The following FGD3 variants were observed in gnomAD, a reference collection of about 807,000 sequenced individuals.
FGD3 encodes FYVE, RhoGEF and PH domain containing 3.
FGD3 carries 45 observed loss-of-function variants against 71.8 expected under a neutral mutation model. The observed-to-expected ratio is 0.63, with a 90% CI of 0.49 to 0.80. The LOEUF is 0.80. FGD3 is among the 30% of genes least tolerant of loss of function. The pLI is 0.00. For missense variants in FGD3, 844 were observed against 951.5 expected (o/e 0.89, Z 1.49); for synonymous variants, 378 against 392.8 (o/e 0.96, Z 0.44).
rs907261307 is a variant in FGD3 at position 93,003,943 on chromosome 9, G to A, written c.544-58G>A. 3.8e-6 allele frequency: 6 copies of A among 1,598,144 alleles called. No individual in the cohort carries two copies. The Middle Eastern group carries it at 5.0e-4, about 133-fold the overall frequency. On this transcript the variant is annotated intron_variant, in intron 4 of 17. Coordinates refer to ENST00000375482, the MANE Select transcript of FGD3 (RefSeq NM_001083536.2). The surrounding 1 kb of genome is among the most constrained non-coding windows in gnomAD (Gnocchi z 4.1). ...CCCTCACCTGTGGCCGAAGCGGGGCGGCAACTGTGCTCAGTGGAAGAGGCT... is the reference window on the plus strand; with the variant it reads ...CCCTCACCTGTGGCCGAAGCGGGGCAGCAACTGTGCTCAGTGGAAGAGGCT...
intron 14 of FGD3, among the ~76,000 whole-genome samples, chr9:93,024,979 C>G (rs749474603): frequency 6.6e-6 from 1 of 152,234 alleles, no homozygotes; most frequent in East Asian, 1.9e-4. Flanking sequence ...AGCTGTCAGG[C>G]GCTGCTGGCC....
intron 10 of FGD3, 38 bp from the exon 11 acceptor site, chr9:93,018,098 G>A (rs376278391): frequency 1.3e-6 from 2 of 1,594,918 alleles, no homozygotes; most frequent in Non-Finnish European, 1.7e-6. Context: ...AAAATGACCA[G>A]CTTGGGTTTG....
intron 13 of FGD3, 90 bp from the exon 14 acceptor site, chr9:93,022,237 G>C (rs1368774445): frequency 1.5e-6 from 2 of 1,331,306 alleles, no homozygotes; most frequent in African/African-American, 2.9e-5. Flanking sequence ...ATGCACAGAG[G>C]TGCTGGGGGC....
intron 1 of FGD3, among the ~76,000 whole-genome samples, chr9:92,953,945 A>G (rs1859003681): frequency 6.6e-6 from 1 of 152,202 alleles, no homozygotes; most frequent in African/African-American, 2.4e-5. Context: ...GCTGGCTTTC[A>G]CTGGGCAATA....
chr9:92,955,538 T>C (rs1859035395), intron 1 of FGD3, among the ~76,000 whole-genome samples: 1 of 152,214 alleles, frequency 6.6e-6, no homozygotes, highest in South Asian at 2.1e-4. Flanking sequence ...TTAAACTTTT[T>C]ATTTTGAAAT....
At chr9:93,001,511 G>A (rs1860857718) in intron 3 of FGD3, among the ~76,000 whole-genome samples, 1 of 152,110 alleles carries the variant, frequency 6.6e-6, no homozygotes, top group African/African-American at 2.4e-5. Flanking sequence ...CTGGAGAGCT[G>A]CCTTAGACTC....
At chr9:92,956,834 C>CTTTTTTTTTTTTTTTTTTTTTTTTTTTT (rs34469364) in intron 1 of FGD3, among the ~76,000 whole-genome samples, 1 of 127,748 alleles carries the variant, frequency 7.8e-6, no homozygotes, top group Non-Finnish European at 1.6e-5. Flanking sequence ...TAATTGCTTT[C>CTTTTTTTTTTTTTTTTTTTTTTTTTTTT]TTTCTTTTTT....
intron 8 of FGD3, among the ~76,000 whole-genome samples, chr9:93,012,704 A>T (rs74937981): frequency 2.0e-5 from 1 of 51,152 alleles, no homozygotes; most frequent in Non-Finnish European, 3.3e-5. Flanking sequence ...TGGGGGGGGG[A>T]AGAATCAATC....
At chr9:93,011,178 C>G (rs372418598) in intron 7 of FGD3, 36 bp from the exon 8 acceptor site, 34 of 1,611,574 alleles carry the variant, frequency 2.1e-5, no homozygotes, top group South Asian at 5.5e-5. Flanking sequence ...ACGGAGCCAC[C>G]GTGGCCCCAG....
chr9:92,966,711 G>A (rs1267638814), intron 1 of FGD3, among the ~76,000 whole-genome samples: 2 of 152,174 alleles, frequency 1.3e-5, no homozygotes, highest in African/African-American at 2.4e-5. Flanking sequence ...GTGTGTGAAT[G>A]AGGGCTGAGC....
chr9:93,021,114 G>A (rs537960067), intron 13 of FGD3, among the ~76,000 whole-genome samples: 3 of 152,338 alleles, frequency 2.0e-5, no homozygotes, highest in South Asian at 4.1e-4. Flanking sequence ...TGCGCTGCCC[G>A]CGTACCACTC....
intron 1 of FGD3, among the ~76,000 whole-genome samples, chr9:92,962,955 AAG>A (rs1859199574): frequency 6.6e-6 from 1 of 150,588 alleles, no homozygotes; most frequent in Non-Finnish European, 1.5e-5. Flanking sequence ...AAAAAAAAAA[AAG>A]AAAAGAAAAG....
intron 14 of FGD3, among the ~76,000 whole-genome samples, chr9:93,027,696 T>TTCA (rs1317501717): frequency 1.3e-5 from 2 of 150,496 alleles, no homozygotes; most frequent in Non-Finnish European, 3.0e-5. Context: ...ACCAGTTCAG[T>TTCA]TCATCTTTTT....
intron 10 of FGD3, among the ~76,000 whole-genome samples, chr9:93,016,485 G>A (rs1195552580): frequency 3.3e-5 from 5 of 151,624 alleles, no homozygotes; most frequent in African/African-American, 1.2e-4. Flanking sequence ...TTACAGGTGT[G>A]TGCCACCACA....
Position 93,030,013 on chromosome 9 carries a change from G to A in FGD3, c.1680+17G>A. On this transcript the variant is annotated intron_variant, in intron 15 of 17. Coordinates refer to ENST00000375482, the MANE Select transcript of FGD3 (RefSeq NM_001083536.2). ...TGTGGGGCGGTGAGTCCCGGGAGAGGGGGACAGGGACAGGAGGCCACCCTG... is the reference window on the plus strand; with the variant it reads ...TGTGGGGCGGTGAGTCCCGGGAGAGAGGGACAGGGACAGGAGGCCACCCTG... 6 of 1,609,398 alleles carry A rather than the reference G, an allele frequency of 3.7e-6. No individual in the cohort carries two copies. Among genetic ancestry groups the A allele is most frequent in the Non-Finnish European group, 5.1e-6 (6 of 1,177,762 alleles).
chr9:92,971,385 C>T (rs1030051049), intron 1 of FGD3, among the ~76,000 whole-genome samples: 1 of 151,956 alleles, frequency 6.6e-6, no homozygotes, highest in African/African-American at 2.4e-5. Context: ...TCTGGGGACC[C>T]GGGCTGCTTG....
chr9:92,966,893 A>C (rs1253540134), intron 1 of FGD3, among the ~76,000 whole-genome samples: 1 of 152,266 alleles, frequency 6.6e-6, no homozygotes, highest in Non-Finnish European at 1.5e-5. Flanking sequence ...ATGTTTAAAA[A>C]AAGTTTTCTT....
chr9:92,980,831 C>T (rs1436977922), intron 3 of FGD3, among the ~76,000 whole-genome samples: 2 of 151,216 alleles, frequency 1.3e-5, no homozygotes, highest in South Asian at 2.1e-4. Context: ...ATTAGCCAGG[C>T]GTGGTGGTGG....
intron 3 of FGD3, among the ~76,000 whole-genome samples, chr9:92,998,831 G>A (rs1382490096): frequency 6.6e-6 from 1 of 152,130 alleles, no homozygotes; most frequent in Non-Finnish European, 1.5e-5. Context: ...CCTTCTTCTG[G>A]AAGCTTTGTC....
Sources: gnomAD v4.1 joint callset for allele counts (sites outside exome capture counted in the v4.1 genomes callset) on GRCh38, gnomAD v4.1.1 for gene constraint, Gnocchi (gnomAD v3.1) non-coding constraint, MANE v1.5 for transcripts, NCBI Gene and HGNC (gene_info 2026-07-23, HGNC 2026-07-21) for gene names.